COL14A1: variants seen among roughly 807,000 people sequenced by gnomAD.
The protein encoded by COL14A1 is collagen type XIV alpha 1 chain.
Under a neutral mutation model 230.3 loss-of-function variants are expected in COL14A1, and 136 were observed. The observed-to-expected ratio is 0.59, with a 90% CI of 0.51 to 0.68. The LOEUF (loss-of-function observed/expected upper bound fraction) is 0.68. COL14A1 is among the 30% of genes least tolerant of loss of function. The probability of loss-of-function intolerance (pLI) is 0.00; values close to 1 mark genes in which losing one functional copy is unlikely to be tolerated. For missense variants in COL14A1, 1,976 were observed against 2,215.8 expected, an observed-to-expected ratio of 0.89 and a Z score of 2.17; for synonymous variants, 792 against 784.1, an observed-to-expected ratio of 1.01 and a Z score of -0.17.
intron 4 of COL14A1, among the ~76,000 whole-genome samples, chr8:120,163,145 A>G (rs1815740667): frequency 6.6e-6 from 1 of 152,188 alleles, no homozygotes; most frequent in African/African-American, 2.4e-5. Context: ...ATTCTTTCCA[A>G]TTGTTAATCA....
intron 2 of COL14A1, among the ~76,000 whole-genome samples, chr8:120,156,799 C>T (rs949865797): frequency 3.3e-5 from 5 of 152,132 alleles, no homozygotes; most frequent in African/African-American, 1.2e-4. Flanking sequence ...TAAAGAAACT[C>T]AGGTTTTGGA....
Position 120,371,719 on chromosome 8 carries a change from T to A in COL14A1, c.*488T>A, listed in dbSNP as rs891149033. ...ACAATATTGGAGAAACTACCTCTTG[T>A]TTAATTGATCTGTCCAACTCTGAGA... On this transcript the variant is annotated 3_prime_UTR_variant, in exon 48 of 48. Coordinates refer to ENST00000297848, the MANE Select transcript of COL14A1 (RefSeq NM_021110.4). 3.8e-5 allele frequency: 15 copies of A among 397,994 alleles called. No individual in the cohort carries two copies. Among genetic ancestry groups the A allele is most frequent in the Non-Finnish European group, 6.2e-5 (14 of 225,472 alleles). The allele number at this position is 397,994 out of a possible 1,614,324, so 24.7% of individuals were successfully genotyped here. A position where few individuals can be genotyped will look rare whatever the true frequency, so the allele number is the denominator to read the frequency against.
chr8:120,369,256 T>C (rs1586905055), intron 46 of COL14A1, 74 bp from the exon 47 acceptor site: 1 of 1,417,182 alleles, frequency 7.1e-7, no homozygotes, highest in Non-Finnish European at 9.3e-7. Context: ...AGAGTTAGTT[T>C]ACTTCTTGGT....
intron 5 of COL14A1, among the ~76,000 whole-genome samples, chr8:120,169,614 A>C (rs1242161800): frequency 6.6e-6 from 1 of 151,952 alleles, no homozygotes; most frequent in Non-Finnish European, 1.5e-5. Flanking sequence ...GTATTTTTGC[A>C]AATATTTTCT....
chr8:120,251,992 AT>A (rs1298165054), intron 22 of COL14A1, among the ~76,000 whole-genome samples: 5 of 151,342 alleles, frequency 3.3e-5, no homozygotes, highest in Admixed American at 6.6e-5. Context: ...CTATTCTTTC[AT>A]TTTTTTTCTA....
intron 1 of COL14A1, among the ~76,000 whole-genome samples, chr8:120,143,705 G>T (rs745859489): frequency 6.6e-6 from 1 of 151,950 alleles, no homozygotes; most frequent in Non-Finnish European, 1.5e-5. Context: ...AGCATTCAAG[G>T]GGGTCAGAGT....
intron 45 of COL14A1, among the ~76,000 whole-genome samples, chr8:120,360,181 G>A (rs932825094): frequency 3.3e-5 from 5 of 152,184 alleles, no homozygotes; most frequent in African/African-American, 1.2e-4. Context: ...AGTGGAGCTA[G>A]GCTCTACAGG....
chr8:120,307,384 G>A (rs1453675273), intron 36 of COL14A1, among the ~76,000 whole-genome samples: 2 of 152,164 alleles, frequency 1.3e-5, no homozygotes, highest in Non-Finnish European at 2.9e-5. Flanking sequence ...CAATAATGGT[G>A]CTGGGACATT....
chr8:120,160,996 C>CT (rs1420676088), intron 3 of COL14A1, among the ~76,000 whole-genome samples: 1 of 151,882 alleles, frequency 6.6e-6, no homozygotes, highest in African/African-American at 2.4e-5. Flanking sequence ...TTTTGAGAAA[C>CT]TTTTTTTTAG....
intron 35 of COL14A1, among the ~76,000 whole-genome samples, chr8:120,299,440 G>A (rs1215967729): frequency 1.3e-5 from 2 of 152,000 alleles, no homozygotes; most frequent in African/African-American, 4.8e-5. Flanking sequence ...AGAAACACTC[G>A]GAATCCTCTG....
Position 120,171,422 on chromosome 8 carries a change from A to C in COL14A1, c.436+3175A>C, listed in dbSNP as rs533240879. 3.3e-5 allele frequency among the ~76,000 whole-genome samples: 5 copies of C among 152,284 alleles called. No homozygotes were observed. In the South Asian group the frequency reaches 1.0e-3, roughly 32 times the overall value. On this transcript the variant is annotated intron_variant, in intron 5 of 47. Transcript: ENST00000297848. The stretch of plus-strand genomic sequence containing the variant: ...CTGTGTATCCACTTCCCTTCACAGA[A>C]GATCTGTGGTGGTAAACTTATCTTT...
At chr8:120,227,053 G>A (rs549467075) in intron 16 of COL14A1, among the ~76,000 whole-genome samples, 167 bp from the exon 17 acceptor site, 1 of 152,072 alleles carries the variant, frequency 6.6e-6, no homozygotes, top group Non-Finnish European at 1.5e-5. Flanking sequence ...TAATTTATTT[G>A]CTGAGGGGAT....
At chr8:120,242,358 C>A (rs1818629639) in intron 19 of COL14A1, among the ~76,000 whole-genome samples, 2 of 152,224 alleles carry the variant, frequency 1.3e-5, no homozygotes, top group Admixed American at 1.3e-4. Flanking sequence ...TCTTCTAAAA[C>A]AGTCACACTG....
Position 120,371,321 on chromosome 8 carries a change from T to A in COL14A1, c.*90T>A. 1 of 950,458 alleles carries A rather than the reference T, an allele frequency of 1.1e-6. No homozygotes were observed. The highest frequency in any genetic ancestry group is 1.6e-6 in the Non-Finnish European group (1 of 627,564). 58.9% of individuals were successfully genotyped at this position (950,458 alleles called of 1,614,324 possible). A position where few individuals can be genotyped will look rare whatever the true frequency, so the allele number is the denominator to read the frequency against. On this transcript the variant is annotated 3_prime_UTR_variant, in exon 48 of 48. Coordinates refer to ENST00000297848, the MANE Select transcript of COL14A1 (RefSeq NM_021110.4). Reference sequence around the variant, plus strand: ...TTGTTATGTGGTTTGTATGCTACTTTTGGGGGGCAGGGCTCATTTCAGCAG... The same window carrying A: ...TTGTTATGTGGTTTGTATGCTACTTATGGGGGGCAGGGCTCATTTCAGCAG...
At chr8:120,284,286 C>T (rs904876261) in intron 32 of COL14A1, among the ~76,000 whole-genome samples, 1 of 152,112 alleles carries the variant, frequency 6.6e-6, no homozygotes. Context: ...GAAAATGAGT[C>T]TAGAAAGAGC....
At chr8:120,258,532 A>G (rs529441814) in intron 23 of COL14A1, among the ~76,000 whole-genome samples, 1 of 152,272 alleles carries the variant, frequency 6.6e-6, no homozygotes, top group East Asian at 1.9e-4. Flanking sequence ...CATAAAGACC[A>G]AGACTGAGGA....
intron 1 of COL14A1, among the ~76,000 whole-genome samples, chr8:120,125,626 TTGAG>T (rs1814303601): frequency 6.6e-6 from 1 of 151,962 alleles, no homozygotes; most frequent in Non-Finnish European, 1.5e-5. Flanking sequence ...TTCCCAGTGT[TTGAG>T]TGACGTGAGC....
chr8:120,369,216 TC>T, intron 46 of COL14A1, 113 bp from the exon 47 acceptor site: 2 of 1,063,662 alleles, frequency 1.9e-6, no homozygotes, highest in South Asian at 2.2e-5. Context: ...AAAGAGGTTG[TC>T]CTAATTGTCC....
At chr8:120,275,013 CA>C (rs1819794595) in intron 26 of COL14A1, among the ~76,000 whole-genome samples, 1 of 151,380 alleles carries the variant, frequency 6.6e-6, no homozygotes, top group Non-Finnish European at 1.5e-5. Flanking sequence ...ATATGGAACC[CA>C]AAAAGAGCCC....
Sources: gnomAD v4.1 joint callset for allele counts (sites outside exome capture counted in the v4.1 genomes callset) on GRCh38, gnomAD v4.1.1 for gene constraint, MANE v1.5 for transcripts, NCBI Gene and HGNC (gene_info 2026-07-23, HGNC 2026-07-21) for gene names.